The following SHF variants were observed in gnomAD, a reference collection of about 807,000 sequenced individuals.
SHF encodes the protein Src homology 2 domain containing F, also known as SH2 domain-containing adapter protein F.
SHF carries 30 observed loss-of-function variants against 42.4 expected under a neutral mutation model. The ratio of observed to expected loss-of-function variants is 0.71; its 90% confidence interval spans 0.53 to 0.96. The LOEUF (loss-of-function observed/expected upper bound fraction) is 0.96, where lower values mean the gene tolerates loss of function less well. Among genes scored for constraint, SHF ranks in the 40% least tolerant of loss-of-function variants. The pLI, the probability that SHF is intolerant of heterozygous loss-of-function variation, is 0.00. For synonymous variants in SHF, 264 were observed against 269.9 expected, an observed-to-expected ratio of 0.98 and a Z score of 0.21; for missense variants, 598 against 634.0, an observed-to-expected ratio of 0.94 and a Z score of 0.61.
At chr15:45,174,985 G>C (rs1194142074) in intron 3 of SHF, among the ~76,000 whole-genome samples, 1 of 152,108 alleles carries the variant, frequency 6.6e-6, no homozygotes, top group African/African-American at 2.4e-5. Context: ...CTTCCAAGAG[G>C]TGGTGATGCA....
intron 6 of SHF, 101 bp downstream of exon 6, chr15:45,171,782 G>T: frequency 1.5e-6 from 2 of 1,300,266 alleles, no homozygotes; most frequent in Non-Finnish European, 2.1e-6. Flanking sequence ...GATTGTTCAT[G>T]GGGGATGGGG....
At chr15:45,199,204 A>G (rs1017673843) in intron 1 of SHF, 1 of 1,056,838 alleles carries the variant, frequency 9.5e-7, no homozygotes, top group Non-Finnish European at 1.3e-6. Flanking sequence ...AGCCTCTCAT[A>G]CTCCCCTGAC....
intron 2 of SHF, among the ~76,000 whole-genome samples, chr15:45,196,187 C>T (rs1898856754): frequency 6.6e-6 from 1 of 151,650 alleles, no homozygotes; most frequent in Non-Finnish European, 1.5e-5. Flanking sequence ...AACCTCCGCC[C>T]CCCGGGTTCA....
intron 6 of SHF, chr15:45,171,327 C>T (rs1051060406): frequency 3.2e-5 from 5 of 153,926 alleles, no homozygotes; most frequent in Admixed American, 1.9e-4. Flanking sequence ...CAGACACCCC[C>T]CATCCCCGAA....
exon 2 of SHF, chr15:45,199,071 G>C: frequency 6.3e-7 from 1 of 1,582,898 alleles, no homozygotes. Context: ...CCCTCCTGCT[G>C]CATCCTCCAG....
At chr15:45,178,950 AT>A (rs1186202235) in intron 1 of SHF, among the ~76,000 whole-genome samples, 1 of 152,274 alleles carries the variant, frequency 6.6e-6, no homozygotes, top group Non-Finnish European at 1.5e-5. Context: ...AAGCAGGACC[AT>A]AGCTTACACC....
chr15:45,198,598 T>C (rs914830901), intron 2 of SHF: 35 of 674,740 alleles, frequency 5.2e-5, no homozygotes, highest in African/African-American at 5.0e-4. Flanking sequence ...GTGCCATTGT[T>C]CCCACAATGC....
intron 2 of SHF, among the ~76,000 whole-genome samples, chr15:45,197,892 G>A (rs563266728): frequency 4.0e-5 from 6 of 151,290 alleles, no homozygotes; most frequent in African/African-American, 1.5e-4. Flanking sequence ...CAAAAAGCAA[G>A]GAGGAATAGA....
At chr15:45,195,838 G>A (rs951434562) in intron 2 of SHF, among the ~76,000 whole-genome samples, 2 of 152,140 alleles carry the variant, frequency 1.3e-5, no homozygotes, top group Non-Finnish European at 2.9e-5. Context: ...GTCCAAGTCT[G>A]GTCCTTGCCT....
At chr15:45,177,908 C>T (rs1029067943) in intron 2 of SHF, among the ~76,000 whole-genome samples, 2 of 152,232 alleles carry the variant, frequency 1.3e-5, no homozygotes, top group African/African-American at 4.8e-5. Flanking sequence ...GCCCTCACCA[C>T]TCTTTTCCTT....
At chr15:45,175,827 T>TCC (rs1897776488) in intron 2 of SHF, among the ~76,000 whole-genome samples, 2 of 149,530 alleles carry the variant, frequency 1.3e-5, no homozygotes. Flanking sequence ...TTCTTTTTTT[T>TCC]TTTTTTTTTG....
At chr15:45,182,188 C>A (rs572542957) in intron 1 of SHF, among the ~76,000 whole-genome samples, 1 of 152,358 alleles carries the variant, frequency 6.6e-6, no homozygotes, top group East Asian at 1.9e-4. Flanking sequence ...CACCACGGGG[C>A]TCCAGAGGGT....
In SHF at chr15:45,168,168, GC is replaced by G. The variant is rs1228326389; in HGVS notation, c.1281-36del. Reference sequence around the variant, plus strand: ...GGAGAGGAGACTTTGGTGAGTGGGGGCTCTCCTCAGCCCCCTCATCCATCCA... The same window carrying G: ...GGAGAGGAGACTTTGGTGAGTGGGGGTCTCCTCAGCCCCCTCATCCATCCA... On this transcript the variant is annotated intron_variant, in intron 6 of 6. Coordinates refer to ENST00000690270, the MANE Select transcript of SHF (RefSeq NM_001394037.1). The G allele has an allele frequency of 3.9e-6, 6 of 1,526,650 alleles. No individual in the cohort carries two copies. In the East Asian group the frequency reaches 1.2e-4, roughly 30 times the overall value. 94.6% of individuals were successfully genotyped at this position (1,526,650 alleles called of 1,614,324 possible).
At chr15:45,170,623 G>T in intron 6 of SHF, 1 of 307,672 alleles carries the variant, frequency 3.3e-6, no homozygotes, top group South Asian at 2.9e-5. Flanking sequence ...CTATAGTCCG[G>T]CACTTTTTCT....
chr15:45,182,743 A>G (rs2141396729), intron 1 of SHF, among the ~76,000 whole-genome samples: 1 of 152,348 alleles, frequency 6.6e-6, no homozygotes, highest in African/African-American at 2.4e-5. Flanking sequence ...TAACCATGGA[A>G]GCCCTTTGTC....
At position 45,167,403 on chromosome 15, in the gene SHF, C is replaced by G. The variant is rs1185793964; in HGVS notation, c.*544G>C. 1 of 152,628 alleles carries G rather than the reference C, an allele frequency of 6.6e-6. No homozygotes were observed. Among genetic ancestry groups the G allele is most frequent in the East Asian group, 1.9e-4 (1 of 5,190 alleles). The allele number at this position is 152,628 out of a possible 1,614,324, so 9.5% of individuals were successfully genotyped here. On this transcript the variant is annotated 3_prime_UTR_variant, in exon 7 of 7. Transcript: ENST00000690270. ...GGGCGGCCTGGGGACTGCACAGTTC[C>G]CTCTGCCCGAGCCCCTCCCCTTCTC... is the stretch of plus-strand genomic sequence containing the variant.
In SHF at chr15:45,187,963, G is replaced by C. The variant is rs1044750730; in HGVS notation, c.-12C>G. Reference sequence around the variant, plus strand: ...CCGCTCAGTAACATGGGGCCAGCCAGACTGAGCGAGGGGAGCGCAGCGGCG... The same window carrying C: ...CCGCTCAGTAACATGGGGCCAGCCACACTGAGCGAGGGGAGCGCAGCGGCG... On this transcript the variant is annotated 5_prime_UTR_variant, in exon 1 of 7. Coordinates refer to ENST00000690270, the MANE Select transcript of SHF (RefSeq NM_001394037.1). 1.4e-5 allele frequency: 16 copies of C among 1,147,066 alleles called. No individual in the cohort carries two copies. The African/African-American group carries it at 2.0e-4, about 14-fold the overall frequency. 71.1% of individuals were successfully genotyped at this position (1,147,066 alleles called of 1,614,324 possible). A position where few individuals can be genotyped will look rare whatever the true frequency, so the allele number is the denominator to read the frequency against.
At chr15:45,174,231 GAA>G (rs1567030839) in intron 3 of SHF, 1 of 171,024 alleles carries the variant, frequency 5.8e-6, no homozygotes, top group Non-Finnish European at 1.3e-5. Context: ...ATGTTTTATT[GAA>G]ATTTAATCCC....
At chr15:45,197,212 G>A (rs1401127725) in intron 2 of SHF, among the ~76,000 whole-genome samples, 1 of 141,380 alleles carries the variant, frequency 7.1e-6, no homozygotes, top group Non-Finnish European at 1.5e-5. Context: ...TTGCTCCACT[G>A]CACACCAGCC....
Sources: gnomAD v4.1 joint callset for allele counts (sites outside exome capture counted in the v4.1 genomes callset) on GRCh38, gnomAD v4.1.1 for gene constraint, MANE v1.5 for transcripts, NCBI Gene and HGNC (gene_info 2026-07-23, HGNC 2026-07-21) for gene names.